Variants in MUL1 observed in about 807,000 individuals in gnomAD.
The protein encoded by MUL1 is mitochondrial E3 ubiquitin protein ligase 1.
In MUL1, 30 loss-of-function variants were observed where a neutral mutation model predicts 34.1. That is an observed-to-expected ratio of 0.88 (90% CI 0.66 to 1.19). The LOEUF is 1.19. Among genes scored for constraint, MUL1 ranks in the 50% most tolerant of loss-of-function variants. The pLI, the probability that MUL1 is intolerant of heterozygous loss-of-function variation, is 0.00. For synonymous variants in MUL1, 191 were observed against 187.8 expected (o/e 1.02, Z -0.14); for missense variants, 419 against 450.5 (o/e 0.93, Z 0.63).
intron 1 of MUL1, among the ~76,000 whole-genome samples, chr1:20,503,767 C>A (rs888235855): frequency 6.6e-6 from 1 of 152,060 alleles, no homozygotes; most frequent in African/African-American, 2.4e-5. Flanking sequence ...ATTACCACAT[C>A]TTTACGAACC....
In MUL1 at chr1:20,500,552, T is replaced by G. The variant is rs1570331266; in HGVS notation, c.*138A>C. On this transcript the variant is annotated 3_prime_UTR_variant, in exon 4 of 4. Transcript: ENST00000264198. Reference sequence around the variant, plus strand: ...CCATTGGAGGCATGGGTCTGGAGAGTTTCTACCCAATTCCTCCCTCAATCA... The same window carrying G: ...CCATTGGAGGCATGGGTCTGGAGAGGTTCTACCCAATTCCTCCCTCAATCA... 8.5e-7 allele frequency: 1 copy of G among 1,179,840 alleles called. No individual in the cohort carries two copies. The highest frequency in any genetic ancestry group is 1.2e-6 in the Non-Finnish European group (1 of 851,614). 73.1% of individuals were successfully genotyped at this position (1,179,840 alleles called of 1,614,324 possible).
intron 1 of MUL1, among the ~76,000 whole-genome samples, chr1:20,504,688 A>G (rs1347174759): frequency 6.6e-6 from 1 of 152,206 alleles, no homozygotes; most frequent in East Asian, 1.9e-4. Context: ...GGGCTTGGAC[A>G]CTGTTTGTCC....
At chr1:20,502,627 G>A (rs996818684) in intron 2 of MUL1, among the ~76,000 whole-genome samples, 8 of 152,236 alleles carry the variant, frequency 5.3e-5, no homozygotes, top group South Asian at 2.1e-4. Flanking sequence ...TCCGCCTCCC[G>A]GGTTCAAGCA....
Position 20,503,295 on chromosome 1 carries a change from A to C in MUL1, c.135T>G (p.Val45=). The change falls in exon 2 of 4, where the codon GTT becomes GTG. Residue 45 remains valine, a synonymous_variant. Coordinates refer to ENST00000264198, the MANE Select transcript of MUL1 (RefSeq NM_024544.3). ...TACTCTTTAAATCTTCACCCAAATG[A>C]ACTTTTTTAGCTCCCTAAATAAAAA... The part of the protein sequence containing the change: ...VSQELKGAKK[V]HLGEDLKSIL... The C allele has an allele frequency of 1.9e-6, 3 of 1,601,934 alleles. No homozygotes were observed. Among genetic ancestry groups the C allele is most frequent in the Non-Finnish European group, 2.6e-6 (3 of 1,174,836 alleles).
At chr1:20,504,139 G>T (rs191551449) in intron 1 of MUL1, among the ~76,000 whole-genome samples, 178 of 152,110 alleles carry the variant, frequency 1.2e-3, no homozygotes, top group African/African-American at 4.2e-3. Context: ...CAAAGTGCTG[G>T]GATTACGGGT....
chr1:20,505,182 G>A (rs76674902), intron 1 of MUL1, among the ~76,000 whole-genome samples: 11,740 of 152,188 alleles, frequency 0.077, 558 homozygotes, highest in Non-Finnish European at 0.11. Flanking sequence ...AATCCAGCCC[G>A]GGGGCTGGCA....
chr1:20,506,082 C>CA (rs1557517118), intron 1 of MUL1, among the ~76,000 whole-genome samples: 2 of 151,968 alleles, frequency 1.3e-5, no homozygotes, highest in Non-Finnish European at 2.9e-5. Flanking sequence ...ACATTGGTTT[C>CA]TTTTTTTTCT....
At chr1:20,502,002 A>G (rs780954022) in intron 3 of MUL1, 67 bp downstream of exon 3, 38 of 1,602,298 alleles carry the variant, frequency 2.4e-5, no homozygotes, top group Non-Finnish European at 3.2e-5. Context: ...CGGCAACAGC[A>G]CCCAGGACCC....
chr1:20,507,458 G>A (rs1281782643), intron 1 of MUL1, among the ~76,000 whole-genome samples: 1 of 152,128 alleles, frequency 6.6e-6, no homozygotes, highest in Non-Finnish European at 1.5e-5. Flanking sequence ...ATTTAAGATA[G>A]GAGATCCCCC....
At chr1:20,503,070 CA>C in intron 2 of MUL1, 151 bp downstream of exon 2, 1 of 497,422 alleles carries the variant, frequency 2.0e-6, no homozygotes, top group Non-Finnish European at 3.6e-6. Context: ...TCTTAGCGAT[CA>C]CAAAGCAATA....
intron 1 of MUL1, among the ~76,000 whole-genome samples, chr1:20,505,658 A>C (rs977979196): frequency 6.6e-6 from 1 of 151,442 alleles, no homozygotes; most frequent in Non-Finnish European, 1.5e-5. Flanking sequence ...ACAGGAAGGA[A>C]GGCCAAAGAG....
chr1:20,503,854 G>A (rs1327226305), intron 1 of MUL1, among the ~76,000 whole-genome samples: 1 of 151,870 alleles, frequency 6.6e-6, no homozygotes, highest in Non-Finnish European at 1.5e-5. Flanking sequence ...ACTGTTAACT[G>A]GTGCCAAATG....
At chr1:20,507,789 G>A in intron 1 of MUL1, 116 bp downstream of exon 1, 4 of 1,422,874 alleles carry the variant, frequency 2.8e-6, no homozygotes, top group South Asian at 1.4e-5. Context: ...ACCCTTCAGA[G>A]GCTGTTTCCT....
At position 20,501,988 on chromosome 1, in the gene MUL1, G is replaced by A. The variant is rs2101115858; in HGVS notation, c.329+81C>T. On this transcript the variant is annotated intron_variant, in intron 3 of 3. Transcript: ENST00000264198. The surrounding 1 kb of genome is among the most constrained non-coding windows in gnomAD (Gnocchi z 4.2). The stretch of plus-strand genomic sequence containing the variant: ...TCAACCTGTCTCAGGAGAAGCTGAA[G>A]TCACGGCAACAGCACCCAGGACCCC... 1.9e-6 allele frequency: 3 copies of A among 1,580,500 alleles called. No individual in the cohort carries two copies. Among genetic ancestry groups the A allele is most frequent in the South Asian group, 2.2e-5 (2 of 88,910 alleles).
At chr1:20,503,507 C>A (rs1196355439) in intron 1 of MUL1, among the ~76,000 whole-genome samples, 198 bp from the exon 2 acceptor site, 1 of 152,180 alleles carries the variant, frequency 6.6e-6, no homozygotes, top group Non-Finnish European at 1.5e-5. Flanking sequence ...TCTGCCTCTT[C>A]CATCACTGCA....
chr1:20,500,718 G>A lies in MUL1; in HGVS notation c.1031C>T (p.Thr344Ile), dbSNP rs954419003. The A allele has an allele frequency of 1.3e-6, 2 of 1,596,464 alleles. No homozygotes were observed. Among genetic ancestry groups the A allele is most frequent in the East Asian group, 2.2e-5 (1 of 44,676 alleles). The change falls in exon 4 of 4, where the codon ACC (threonine) becomes ATC (isoleucine). Residue 344 changes from threonine to isoleucine, a missense_variant. Transcript: ENST00000264198. ...GCTGTTGTACAGGGGTATCACCCGG[G>A]TGATCGCCTGTCTGCAGATAGGGCA... ...KKCPICRQAI[T>I]RVIPLYNS
chr1:20,500,778 G>A lies in MUL1; in HGVS notation c.971C>T (p.Thr324Ile). The A allele has an allele frequency of 6.2e-7, 1 of 1,614,086 alleles. No individual in the cohort carries two copies. Among genetic ancestry groups the A allele is most frequent in the South Asian group, 1.1e-5 (1 of 91,044 alleles). ...CTCTGGCAAGGCGCGGTAGCACTCGGTGCAGGAACAAACGTGCCCACACTC... is the reference window on the plus strand; with the variant it reads ...CTCTGGCAAGGCGCGGTAGCACTCGATGCAGGAACAAACGTGCCCACACTC... ...FLECGHVCSC[T>I]ECYRALPEPK... The change falls in exon 4 of 4, where the codon ACC (threonine) becomes ATC (isoleucine). Residue 324 changes from threonine (T) to isoleucine (I), a missense_variant. Coordinates refer to ENST00000264198, the MANE Select transcript of MUL1 (RefSeq NM_024544.3).
chr1:20,500,961 T>A lies in MUL1; in HGVS notation c.788A>T (p.Tyr263Phe). 2 of 1,614,100 alleles carry A rather than the reference T, an allele frequency of 1.2e-6. No individual in the cohort carries two copies. The highest frequency in any genetic ancestry group is 8.5e-7 in the Non-Finnish European group (1 of 1,180,046). ...GCGCAGGCGCTCCTGCCGCTGCAGA[T>A]ACTGCTTCCGGAGAATGAAGAAGAG... ...ATLFFILRKQ[Y>F]LQRQERLRLK... Residue 263 changes from tyrosine to phenylalanine, a missense_variant, in exon 4 of 4, where the codon TAT (tyrosine) becomes TTT (phenylalanine). Tyr to Phe is a conservative substitution (Grantham distance 22, BLOSUM62 3). Transcript: ENST00000264198.
chr1:20,506,372 G>A lies in MUL1; in HGVS notation c.120+1533C>T, dbSNP rs189035543. Among the ~76,000 whole-genome samples, 359 of 152,286 alleles carry A rather than the reference G, an allele frequency of 2.4e-3. 2 individuals carry two copies. Among genetic ancestry groups the A allele is most frequent in the African/African-American group, 8.0e-3 (334 of 41,566 alleles). On this transcript the variant is annotated intron_variant, in intron 1 of 3. Coordinates refer to ENST00000264198, the MANE Select transcript of MUL1 (RefSeq NM_024544.3). Reference sequence around the variant, plus strand: ...AATAAGACCCTGTCTCTGACCTAAAGAGGTCCATCTCTCTGGACCAGTCAG... The same window carrying A: ...AATAAGACCCTGTCTCTGACCTAAAAAGGTCCATCTCTCTGGACCAGTCAG...
Sources: gnomAD v4.1 joint callset for allele counts (sites outside exome capture counted in the v4.1 genomes callset) on GRCh38, gnomAD v4.1.1 for gene constraint, Gnocchi (gnomAD v3.1) non-coding constraint, MANE v1.5 for transcripts, NCBI Gene and HGNC (gene_info 2026-07-23, HGNC 2026-07-21) for gene names.